The following NINJ2 variants were observed in gnomAD, a reference collection of about 807,000 sequenced individuals.
NINJ2 encodes the protein ninjurin-2.
In NINJ2, 12 loss-of-function variants were observed where a neutral mutation model predicts 11.7. That is an observed-to-expected ratio of 1.02 (90% CI 0.66 to 1.66). The LOEUF (loss-of-function observed/expected upper bound fraction) is 1.66. Among genes scored for constraint, NINJ2 ranks in the 40% most tolerant of loss-of-function variants. NINJ2 has a pLI of 0.00. For synonymous variants in NINJ2, 93 were observed against 76.8 expected (o/e 1.21, Z -1.10); for missense variants, 187 against 181.8 (o/e 1.03, Z -0.16).
At chr12:600,129 G>T (rs955387253) in intron 1 of NINJ2, among the ~76,000 whole-genome samples, 1 of 152,190 alleles carries the variant, frequency 6.6e-6, no homozygotes, top group Non-Finnish European at 1.5e-5. Context: ...ATTCCTCGGG[G>T]CTGAATTTCT....
chr12:654,233 A>T (rs1937837619), intron 1 of NINJ2, among the ~76,000 whole-genome samples: 1 of 152,160 alleles, frequency 6.6e-6, no homozygotes, highest in South Asian at 2.1e-4. Flanking sequence ...GATTAAAAGT[A>T]AATGGATGGG....
intron 1 of NINJ2, among the ~76,000 whole-genome samples, chr12:603,930 G>A (rs1302404991): frequency 6.6e-6 from 1 of 152,128 alleles, no homozygotes; most frequent in African/African-American, 2.4e-5. Context: ...CAAAGTGCTG[G>A]GACTACAGGC....
In NINJ2 at chr12:608,597, A is replaced by G. The variant is rs1447283535; in HGVS notation, c.34-42419T>C. Among the ~76,000 whole-genome samples, 4 of 152,372 alleles carry G rather than the reference A, an allele frequency of 2.6e-5. No individual in the cohort carries two copies. The East Asian group carries it at 7.7e-4, about 29-fold the overall frequency. ...TCTGGCTCCAGAGCTCCTGCCCTTTAGCCGCTGTACCCAAGCCGTGACACA... is the reference window on the plus strand; with the variant it reads ...TCTGGCTCCAGAGCTCCTGCCCTTTGGCCGCTGTACCCAAGCCGTGACACA... On this transcript the variant is annotated intron_variant, in intron 1 of 3. Transcript: ENST00000305108.
intron 1 of NINJ2, among the ~76,000 whole-genome samples, chr12:598,101 G>A (rs763702662): frequency 1.3e-5 from 2 of 152,222 alleles, no homozygotes; most frequent in African/African-American, 2.4e-5. Context: ...GCTTGTTAAC[G>A]GGTGGGAAAG....
chr12:623,225 G>A (rs1948174161), intron 1 of NINJ2, among the ~76,000 whole-genome samples: 1 of 152,214 alleles, frequency 6.6e-6, no homozygotes, highest in African/African-American at 2.4e-5. Flanking sequence ...TCCTGACAGT[G>A]ACAGTTTTGT....
intron 1 of NINJ2, among the ~76,000 whole-genome samples, chr12:620,321 A>C (rs1195475194): frequency 6.6e-6 from 1 of 152,120 alleles, no homozygotes; most frequent in African/African-American, 2.4e-5. Flanking sequence ...TAAAATAAAC[A>C]GCTTAAATTA....
At chr12:641,667 A>G (rs1486341258) in intron 1 of NINJ2, among the ~76,000 whole-genome samples, 1 of 146,706 alleles carries the variant, frequency 6.8e-6, no homozygotes, top group Non-Finnish European at 1.5e-5. Flanking sequence ...ACAGGGTGAA[A>G]CCCCGTCTCT....
Position 596,556 on chromosome 12 carries a change from A to AAAAG in NINJ2, c.34-30382_34-30379dup, listed in dbSNP as rs1194052311. On this transcript the variant is annotated intron_variant, in intron 1 of 3. Coordinates refer to ENST00000305108, the MANE Select transcript of NINJ2 (RefSeq NM_016533.6). The stretch of plus-strand genomic sequence containing the variant: ...TTTTACTCTAAAAAAATAAAGTTTA[A>AAAAG]AAAGAAAGAAACAAACAAACAATAA... Among the ~76,000 whole-genome samples, 5 of 152,298 alleles carry AAAAG rather than the reference A, an allele frequency of 3.3e-5. No homozygotes were observed. In the South Asian group the frequency reaches 1.0e-3, roughly 32 times the overall value.
chr12:647,764 C>T (rs1466176931), intron 1 of NINJ2, among the ~76,000 whole-genome samples: 2 of 152,148 alleles, frequency 1.3e-5, no homozygotes, highest in Non-Finnish European at 2.9e-5. Context: ...TTGCAGAAAC[C>T]CTCATCTCCA....
rs1937624869 is a variant in NINJ2, at chr12:643,414, C to T, written c.33+19914G>A. ...GCTGCAGTCGCGCCAGCCCTCGGGC[C>T]TACATCCGCTCCGCCGCGACGCGGC... On this transcript the variant is annotated intron_variant, in intron 1 of 3. Coordinates refer to ENST00000305108, the MANE Select transcript of NINJ2 (RefSeq NM_016533.6). 7 of 986,936 alleles carry T rather than the reference C, an allele frequency of 7.1e-6. No homozygotes were observed. In the Admixed American group the frequency reaches 2.5e-4, roughly 35 times the overall value. The allele number at this position is 986,936 out of a possible 1,614,324, so 61.1% of individuals were successfully genotyped here.
intron 1 of NINJ2, among the ~76,000 whole-genome samples, chr12:641,762 T>G (rs1004290822): frequency 6.7e-6 from 1 of 149,192 alleles, no homozygotes; most frequent in East Asian, 2.0e-4. Flanking sequence ...GGAGAATTGC[T>G]TGAACCCGGG....
intron 1 of NINJ2, among the ~76,000 whole-genome samples, chr12:659,201 A>G (rs12303868): frequency 0.22 from 32,867 of 151,612 alleles, 3,596 homozygotes; most frequent in South Asian, 0.27. Flanking sequence ...ATCTCATTCT[A>G]TCTGTATCTC....
At chr12:568,900 T>C (rs1202869292) in intron 1 of NINJ2, among the ~76,000 whole-genome samples, 1 of 99,734 alleles carries the variant, frequency 1.0e-5, no homozygotes, top group Non-Finnish European at 1.9e-5. Flanking sequence ...GCCCCCCGGG[T>C]AAGCACTGGG....
intron 1 of NINJ2, among the ~76,000 whole-genome samples, chr12:652,491 G>C (rs1305028174): frequency 6.6e-6 from 1 of 152,132 alleles, no homozygotes; most frequent in Non-Finnish European, 1.5e-5. Flanking sequence ...AGCTCTTGGG[G>C]AGGCCAAGGC....
At chr12:658,619 G>A (rs1937907065) in intron 1 of NINJ2, among the ~76,000 whole-genome samples, 1 of 151,964 alleles carries the variant, frequency 6.6e-6, no homozygotes, top group African/African-American at 2.4e-5. Flanking sequence ...GAATGCAGAG[G>A]ATTTTTAGGG....
At chr12:578,660 C>T (rs935851952) in intron 1 of NINJ2, among the ~76,000 whole-genome samples, 2 of 152,122 alleles carry the variant, frequency 1.3e-5, no homozygotes, top group African/African-American at 4.8e-5. Flanking sequence ...CCTTTGAACC[C>T]AGCCAGGCTC....
intron 1 of NINJ2, among the ~76,000 whole-genome samples, chr12:646,432 G>A (rs1487110089): frequency 2.0e-5 from 3 of 152,170 alleles, no homozygotes; most frequent in Admixed American, 2.0e-4. Context: ...TGCAGCAACC[G>A]GGTTAGGTCA....
intron 1 of NINJ2, among the ~76,000 whole-genome samples, chr12:583,520 C>T (rs1304539563): frequency 3.9e-5 from 6 of 152,270 alleles, no homozygotes; most frequent in Admixed American, 2.0e-4. Flanking sequence ...CCCCTGTCAT[C>T]GCTGTGACTG....
intron 1 of NINJ2, among the ~76,000 whole-genome samples, chr12:605,188 C>T (rs1947926122): frequency 6.6e-6 from 1 of 152,186 alleles, no homozygotes; most frequent in Non-Finnish European, 1.5e-5. Context: ...ACTCCGCCTT[C>T]CCCACAGATA....
Sources: allele counts gnomAD v4.1 joint callset (sites outside exome capture counted in the v4.1 genomes callset), GRCh38; gene constraint gnomAD v4.1.1; transcripts MANE v1.5; gene names NCBI Gene and HGNC (gene_info 2026-07-23, HGNC 2026-07-21).